The following BNC2 variants were observed in gnomAD, a reference collection of about 807,000 sequenced individuals.
BNC2 encodes the protein basonuclin zinc finger protein 2.
Under a neutral mutation model 76.3 loss-of-function variants are expected in BNC2, and 20 were observed. The ratio of observed to expected loss-of-function variants is 0.26; its 90% CI spans 0.18 to 0.38. The LOEUF is 0.38. BNC2 is among the 10% of genes least tolerant of loss of function. The pLI is 1.00. For synonymous variants in BNC2, 582 were observed against 514.8 expected (o/e 1.13, Z -1.77); for missense variants, 1,382 against 1,399.8 (o/e 0.99, Z 0.20).
intron 5 of BNC2, among the ~76,000 whole-genome samples, chr9:16,492,907 G>C (rs554573432): frequency 1.3e-5 from 2 of 151,964 alleles, no homozygotes; most frequent in Non-Finnish European, 2.9e-5. Context: ...TGTAGGTTAA[G>C]TTTTTTACAG....
intron 4 of BNC2, among the ~76,000 whole-genome samples, chr9:16,566,176 C>A (rs114649887): frequency 0.011 from 1,649 of 152,258 alleles, 30 homozygotes; most frequent in African/African-American, 0.038. Flanking sequence ...TTCCTGGGAT[C>A]ACTTATGTTC....
intron 1 of BNC2, among the ~76,000 whole-genome samples, chr9:16,788,365 A>G (rs12378598): frequency 0.12 from 17,472 of 151,634 alleles, 1,329 homozygotes; most frequent in Admixed American, 0.24. Flanking sequence ...CATCCTGGCT[A>G]ACATGGTGAA....
intron 3 of BNC2, among the ~76,000 whole-genome samples, chr9:16,583,927 A>G (rs1033787822): frequency 3.9e-5 from 6 of 152,250 alleles, no homozygotes; most frequent in Admixed American, 2.6e-4. Context: ...TTATAAAATG[A>G]ATCCATAGAA....
At chr9:16,723,018 A>G (rs1175051552) in intron 3 of BNC2, among the ~76,000 whole-genome samples, 1 of 152,230 alleles carries the variant, frequency 6.6e-6, no homozygotes, top group East Asian at 1.9e-4. Flanking sequence ...ATTGTTAAAA[A>G]TAAAACATAT....
chr9:16,781,488 G>A (rs529048592), intron 1 of BNC2, among the ~76,000 whole-genome samples: 2 of 152,340 alleles, frequency 1.3e-5, no homozygotes, highest in East Asian at 3.9e-4. Flanking sequence ...GACTACAGGC[G>A]CAAGCCGCCA....
intron 4 of BNC2, among the ~76,000 whole-genome samples, chr9:16,553,924 A>T (rs1477005284): frequency 6.6e-6 from 1 of 152,200 alleles, no homozygotes; most frequent in African/African-American, 2.4e-5. Context: ...TCCTTAAGAG[A>T]ACACAAAAGG....
intron 1 of BNC2, among the ~76,000 whole-genome samples, chr9:16,789,238 C>T (rs1817433898): frequency 6.6e-6 from 1 of 151,930 alleles, no homozygotes; most frequent in African/African-American, 2.4e-5. Context: ...GAGTTAGTCA[C>T]TCAGGAGCAC....
At chr9:16,721,195 T>C (rs1329976422) in intron 3 of BNC2, among the ~76,000 whole-genome samples, 2 of 152,120 alleles carry the variant, frequency 1.3e-5, no homozygotes, top group Non-Finnish European at 2.9e-5. Flanking sequence ...TTAGCAGATT[T>C]TTTTCATCTT....
intron 1 of BNC2, among the ~76,000 whole-genome samples, chr9:16,797,766 A>G (rs1817693955): frequency 6.6e-6 from 1 of 152,030 alleles, no homozygotes; most frequent in Non-Finnish European, 1.5e-5. Context: ...ACATATCCCC[A>G]CCAAAAGTTG....
chr9:16,808,250 T>C (rs1411341527), intron 1 of BNC2, among the ~76,000 whole-genome samples: 1 of 152,154 alleles, frequency 6.6e-6, no homozygotes, highest in Non-Finnish European at 1.5e-5. Flanking sequence ...CAGCAAATTA[T>C]CTTTTGTTAG....
chr9:16,792,882 G>A (rs1282075239), intron 1 of BNC2, among the ~76,000 whole-genome samples: 1 of 152,192 alleles, frequency 6.6e-6, no homozygotes, highest in Non-Finnish European at 1.5e-5. Context: ...GCCTAATAAG[G>A]ATGTATGATA....
intron 5 of BNC2, among the ~76,000 whole-genome samples, chr9:16,439,451 G>C (rs1180450532): frequency 6.6e-6 from 1 of 152,140 alleles, no homozygotes; most frequent in African/African-American, 2.4e-5. Flanking sequence ...AAAGACATTA[G>C]TGGGAAAATT....
At chr9:16,776,329 G>A (rs564621210) in intron 1 of BNC2, among the ~76,000 whole-genome samples, 33 of 152,150 alleles carry the variant, frequency 2.2e-4, no homozygotes, top group African/African-American at 7.2e-4. Context: ...TAGTAGAGAC[G>A]GGGTTTCACC....
At chr9:16,548,499 G>A (rs1190279878) in intron 5 of BNC2, among the ~76,000 whole-genome samples, 8 of 151,272 alleles carry the variant, frequency 5.3e-5, no homozygotes, top group East Asian at 2.0e-4. Context: ...TCTGCTTCCC[G>A]GGTTCAAGGA....
chr9:16,561,243 A>AG (rs1467395396), intron 4 of BNC2, among the ~76,000 whole-genome samples: 2 of 151,962 alleles, frequency 1.3e-5, no homozygotes, highest in African/African-American at 4.8e-5. Flanking sequence ...CGCCTCAAAA[A>AG]AAAAAAAACA....
chr9:16,429,482 GGGAGGT>G (rs2130767991), intron 6 of BNC2: 1 of 153,904 alleles, frequency 6.5e-6, no homozygotes, highest in African/African-American at 2.4e-5. Flanking sequence ...TAGATTCTGA[GGGAGGT>G]GGAAATCAGG....
chr9:16,775,076 T>C lies in BNC2; in HGVS notation c.4-36591A>G, dbSNP rs192622254. Among the ~76,000 whole-genome samples, 425 of 152,318 alleles carry C rather than the reference T, an allele frequency of 2.8e-3. 1 individual carries two copies. Among genetic ancestry groups the C allele is most frequent in the South Asian group, 0.01 (49 of 4,828 alleles). ...TGTTTTCAAAGTAGTGTCTCACAAG[T>C]AGCAGCAACAGCATCATCCAGGAAC... On this transcript the variant is annotated intron_variant, in intron 1 of 6. Coordinates refer to ENST00000380672, the MANE Select transcript of BNC2 (RefSeq NM_017637.6).
chr9:16,600,547 C>A (rs1820216709), intron 3 of BNC2, among the ~76,000 whole-genome samples: 1 of 152,088 alleles, frequency 6.6e-6, no homozygotes, highest in Non-Finnish European at 1.5e-5. Flanking sequence ...CAGAAAATAA[C>A]AGATTTTAAA....
At position 16,797,831 on chromosome 9, in the gene BNC2, G is replaced by C. The variant is rs781231921; in HGVS notation, c.4-59346C>G. Among the ~76,000 whole-genome samples, 130 of 152,046 alleles carry C rather than the reference G, an allele frequency of 8.6e-4. 2 individuals carry two copies. The highest frequency in any genetic ancestry group is 1.7e-3 in the Non-Finnish European group (115 of 68,020). On this transcript the variant is annotated intron_variant, in intron 1 of 6. Coordinates refer to ENST00000380672, the MANE Select transcript of BNC2 (RefSeq NM_017637.6). ...CTACCAGTGTGGCATGAAAATTTAT[G>C]CCATGTCCTAGGAAAGGAAGCAGGC...
Sources: gnomAD v4.1 joint callset for allele counts (sites outside exome capture counted in the v4.1 genomes callset) on GRCh38, gnomAD v4.1.1 for gene constraint, MANE v1.5 for transcripts, NCBI Gene and HGNC (gene_info 2026-07-23, HGNC 2026-07-21) for gene names.